The following NLGN1 variants were observed in gnomAD, a reference collection of about 807,000 sequenced individuals.
The protein encoded by NLGN1 is neuroligin 1.
Under a neutral mutation model 65.5 loss-of-function variants are expected in NLGN1, and 12 were observed. The observed-to-expected ratio is 0.18, with a 90% confidence interval of 0.12 to 0.30. The LOEUF (loss-of-function observed/expected upper bound fraction) is 0.30, where lower values mean the gene tolerates loss of function less well. Among genes scored for constraint, NLGN1 ranks in the 10% least tolerant of loss-of-function variants. The pLI, the probability that NLGN1 is intolerant of heterozygous loss-of-function variation, is 1.00. For missense variants in NLGN1, 750 were observed against 1,007.1 expected, an observed-to-expected ratio of 0.74 and a Z score of 3.46; for synonymous variants, 350 against 359.5, an observed-to-expected ratio of 0.97 and a Z score of 0.30.
chr3:174,102,240 T>C (rs1454148415), intron 4 of NLGN1, among the ~76,000 whole-genome samples: 1 of 152,120 alleles, frequency 6.6e-6, no homozygotes, highest in Non-Finnish European at 1.5e-5. Context: ...CTCTCTTGGT[T>C]TAACTCTTGC....
intron 3 of NLGN1, among the ~76,000 whole-genome samples, chr3:173,692,093 T>G (rs917474361): frequency 2.0e-5 from 3 of 152,094 alleles, no homozygotes; most frequent in African/African-American, 7.2e-5. Flanking sequence ...GAAATAAAAT[T>G]CAATATACTA....
chr3:173,507,862 C>T (rs765948106), intron 2 of NLGN1, among the ~76,000 whole-genome samples: 1 of 152,134 alleles, frequency 6.6e-6, no homozygotes, highest in Non-Finnish European at 1.5e-5. Context: ...CTGGGTTTAA[C>T]TTCTGGCTCC....
In NLGN1 at chr3:173,702,911, T is replaced by C. The variant is rs1767466848; in HGVS notation, c.493+97820T>C. 3.3e-5 allele frequency among the ~76,000 whole-genome samples: 5 copies of C among 152,198 alleles called. No homozygotes were observed. The South Asian group carries it at 8.3e-4, about 25-fold the overall frequency. ...TTGAGCAATATTACTTGAATGCCAA[T>C]AGTATTATCTTTTATTTCACAAAGA... On this transcript the variant is annotated intron_variant, in intron 3 of 6. Coordinates refer to ENST00000457714, the Ensembl canonical transcript of NLGN1.
chr3:173,666,780 A>T (rs1761756195), intron 3 of NLGN1, among the ~76,000 whole-genome samples: 1 of 152,226 alleles, frequency 6.6e-6, no homozygotes, highest in South Asian at 2.1e-4. Flanking sequence ...AGCTTTATTC[A>T]TAATAGTTTT....
chr3:174,215,224 T>C (rs535208705), intron 4 of NLGN1, among the ~76,000 whole-genome samples: 22 of 152,318 alleles, frequency 1.4e-4, no homozygotes, highest in African/African-American at 5.3e-4. Flanking sequence ...AATCTTATAC[T>C]GCAATTTATA....
chr3:173,848,692 A>G (rs1726293111), intron 4 of NLGN1, among the ~76,000 whole-genome samples: 1 of 152,198 alleles, frequency 6.6e-6, no homozygotes, highest in South Asian at 2.1e-4. Context: ...TTACTGAAGT[A>G]TGAACAATTA....
intron 3 of NLGN1, among the ~76,000 whole-genome samples, chr3:173,775,302 ACT>A (rs1238534648): frequency 2.0e-5 from 3 of 152,046 alleles, no homozygotes; most frequent in Non-Finnish European, 4.4e-5. Flanking sequence ...TTTTTTCATT[ACT>A]CTTACGTGTT....
chr3:173,699,746 G>A (rs773912150), intron 3 of NLGN1, among the ~76,000 whole-genome samples: 4 of 152,208 alleles, frequency 2.6e-5, no homozygotes, highest in Non-Finnish European at 4.4e-5. Context: ...GGGGAAGGAT[G>A]TAGAAAGGTA....
At chr3:173,889,198 A>C (rs958759615) in intron 4 of NLGN1, among the ~76,000 whole-genome samples, 3 of 152,150 alleles carry the variant, frequency 2.0e-5, no homozygotes, top group Non-Finnish European at 4.4e-5. Context: ...GATAATAATA[A>C]TTTGCCTTTT....
chr3:173,704,008 C>T (rs560207938), intron 3 of NLGN1, among the ~76,000 whole-genome samples: 1 of 152,292 alleles, frequency 6.6e-6, no homozygotes, highest in East Asian at 1.9e-4. Context: ...ATCCTGAGAG[C>T]AATTAGAGGC....
At chr3:173,517,544 A>G (rs1278611068) in intron 2 of NLGN1, among the ~76,000 whole-genome samples, 2 of 152,082 alleles carry the variant, frequency 1.3e-5, no homozygotes, top group East Asian at 1.9e-4. Context: ...ATTTCACAAT[A>G]TAAGTATATA....
chr3:173,786,763 T>C (rs1782035756), intron 3 of NLGN1, among the ~76,000 whole-genome samples: 1 of 152,082 alleles, frequency 6.6e-6, no homozygotes, highest in South Asian at 2.1e-4. Context: ...AGGAAATATA[T>C]ATAGGAATGG....
At chr3:173,928,430 A>G (rs1018919793) in intron 4 of NLGN1, among the ~76,000 whole-genome samples, 3 of 152,218 alleles carry the variant, frequency 2.0e-5, no homozygotes, top group Non-Finnish European at 4.4e-5. Flanking sequence ...AATCTTAAAA[A>G]TACTTGCCTC....
chr3:173,480,569 T>G (rs635255), intron 2 of NLGN1, among the ~76,000 whole-genome samples: 42,246 of 152,006 alleles, frequency 0.28, 6,035 homozygotes, highest in Middle Eastern at 0.38. Context: ...GTTACTTTCC[T>G]TATCTCATTA....
In NLGN1 at chr3:174,280,450, T is replaced by C; in HGVS notation, c.1650-31T>C. 1 of 1,439,806 alleles carries C rather than the reference T, an allele frequency of 6.9e-7. No individual in the cohort carries two copies. 89.2% of individuals were successfully genotyped at this position (1,439,806 alleles called of 1,614,324 possible). A position where few individuals can be genotyped will look rare whatever the true frequency, so the allele number is the denominator to read the frequency against. On this transcript the variant is annotated intron_variant, in intron 6 of 6. Transcript: ENST00000457714. This position sits in a 1 kb window ranked among gnomAD's most constrained non-coding sequence, Gnocchi z 4.9. ...ATTTTAAGTAAAAAATAAAATAGCTTTATTCTCATAATTTATCTTTTCCTT... is the reference window on the plus strand; with the variant it reads ...ATTTTAAGTAAAAAATAAAATAGCTCTATTCTCATAATTTATCTTTTCCTT...
exon 7 of NLGN1, chr3:174,285,564 A>G (rs543086094): frequency 3.8e-4 from 57 of 151,702 alleles, no homozygotes; most frequent in African/African-American, 1.3e-3. Flanking sequence ...CATACACTTC[A>G]AATTTCCATC....
intron 3 of NLGN1, among the ~76,000 whole-genome samples, chr3:173,796,342 C>T (rs1714060734): frequency 6.6e-6 from 1 of 152,112 alleles, no homozygotes; most frequent in Non-Finnish European, 1.5e-5. Context: ...AAATAAAAGG[C>T]TCTGGTCGGA....
intron 4 of NLGN1, among the ~76,000 whole-genome samples, chr3:174,224,364 C>A (rs1427172957): frequency 6.6e-6 from 1 of 152,124 alleles, no homozygotes; most frequent in Non-Finnish European, 1.5e-5. Context: ...ACATGGGAAT[C>A]AAAAAGAACC....
At chr3:173,908,232 C>A (rs1388911448) in intron 4 of NLGN1, among the ~76,000 whole-genome samples, 2 of 152,178 alleles carry the variant, frequency 1.3e-5, no homozygotes, top group African/African-American at 4.8e-5. Context: ...TCACACGTAT[C>A]TAGTGGTTCT....
Sources: gnomAD v4.1 joint callset for allele counts (sites outside exome capture counted in the v4.1 genomes callset) on GRCh38, gnomAD v4.1.1 for gene constraint, Gnocchi (gnomAD v3.1) non-coding constraint, MANE v1.5 for transcripts, NCBI Gene and HGNC (gene_info 2026-07-23, HGNC 2026-07-21) for gene names.